KCNN3: variants seen among roughly 807,000 people sequenced by gnomAD.
The protein encoded by KCNN3 is small conductance calcium-activated potassium channel protein 3.
A neutral mutation model predicts 62.9 loss-of-function variants in KCNN3; 16 were observed. The observed-to-expected ratio is 0.25, with a 90% CI of 0.17 to 0.39. The LOEUF (loss-of-function observed/expected upper bound fraction) is 0.39. Ranked by LOEUF, KCNN3 falls within the 10% of genes least tolerant of loss-of-function variation. The pLI is 1.00. For missense variants in KCNN3, 599 were observed against 949.4 expected, an observed-to-expected ratio of 0.63 and a Z score of 4.85; for synonymous variants, 370 against 389.2, an observed-to-expected ratio of 0.95 and a Z score of 0.58.
chr1:154,714,281 G>GT (rs1700162522), intron 6 of KCNN3, among the ~76,000 whole-genome samples: 1 of 126,210 alleles, frequency 7.9e-6, no homozygotes, highest in Non-Finnish European at 1.7e-5. Context: ...TGGTGTGTGT[G>GT]GTGTGTGGTG....
chr1:154,756,048 G>GGAGGAA lies in KCNN3; in HGVS notation c.1448+15921_1448+15926dup, dbSNP rs1196913761. 1.2e-3 allele frequency among the ~76,000 whole-genome samples: 154 copies of GGAGGAA among 131,464 alleles called. 9 individuals carry two copies. Among genetic ancestry groups the GGAGGAA allele is most frequent in the African/African-American group, 4.5e-3 (144 of 31,690 alleles). The allele number at this position is 131,464 out of a possible 152,430, so 86.2% of individuals were successfully genotyped here. A position where few individuals can be genotyped will look rare whatever the true frequency, so the allele number is the denominator to read the frequency against. ...AAGACGATGATGAAAAGGAGGAGGAGGAGGAAGAGGAAGAGGAAGAAGAAG... is the reference window on the plus strand; with the variant it reads ...AAGACGATGATGAAAAGGAGGAGGAGGAGGAAGAGGAAGAGGAAGAGGAAGAAGAAG... On this transcript the variant is annotated intron_variant, in intron 3 of 7. Coordinates refer to ENST00000271915, the MANE Select transcript of KCNN3 (RefSeq NM_002249.6).
At chr1:154,822,965 AGGGCTACCTGACCTT>A (rs1269035187) in intron 1 of KCNN3, among the ~76,000 whole-genome samples, 1 of 152,194 alleles carries the variant, frequency 6.6e-6, no homozygotes. Flanking sequence ...ACAGCCATTT[AGGGCTACCTGACCTT>A]GGAACGCCCA....
At chr1:154,790,991 G>A (rs1274758875) in intron 2 of KCNN3, among the ~76,000 whole-genome samples, 1 of 152,120 alleles carries the variant, frequency 6.6e-6, no homozygotes, top group Non-Finnish European at 1.5e-5. Context: ...CACTTTGGGA[G>A]GCCGAGGTGA....
rs1368206139 is a variant in KCNN3, at chr1:154,706,256, AG to A, written c.*1719del. 6.6e-6 allele frequency: 1 copy of A among 152,244 alleles called. No homozygotes were observed. The highest frequency in any genetic ancestry group is 1.9e-4 in the East Asian group (1 of 5,202). 9.4% of individuals were successfully genotyped at this position (152,244 alleles called of 1,614,324 possible). ...CTTAGAAGAACAGGCCCAGTGCTAC[AG>A]AATAAAAATCTCCATGCCAAGCCAC... On this transcript the variant is annotated 3_prime_UTR_variant, in exon 8 of 8. Transcript: ENST00000271915.
chr1:154,849,487 CACACCACAGCCCCATTACTGTGTAG>C (rs1025625166), intron 1 of KCNN3, among the ~76,000 whole-genome samples: 16 of 152,240 alleles, frequency 1.1e-4, no homozygotes, highest in Non-Finnish European at 7.3e-5. Context: ...CCACTCAGTC[CACACCACAGCCCCATTACTGTGTAG>C]ACACCACTGC....
chr1:154,820,609 C>T (rs1023370515), intron 2 of KCNN3, among the ~76,000 whole-genome samples: 1 of 152,180 alleles, frequency 6.6e-6, no homozygotes, highest in African/African-American at 2.4e-5. Context: ...GTCTCGATTC[C>T]GTGGCCCTAG....
intron 1 of KCNN3, among the ~76,000 whole-genome samples, chr1:154,861,961 A>ACGGGCCTT (rs1652788331): frequency 6.6e-6 from 1 of 152,186 alleles, no homozygotes; most frequent in Non-Finnish European, 1.5e-5. Flanking sequence ...CAAAGCAGAG[A>ACGGGCCTT]CGGGCCTTTT....
intron 2 of KCNN3, among the ~76,000 whole-genome samples, chr1:154,807,313 G>A (rs1210178041): frequency 6.6e-6 from 1 of 152,198 alleles, no homozygotes; most frequent in Non-Finnish European, 1.5e-5. Context: ...TAACCCAACA[G>A]CAGCTGGGGC....
intron 2 of KCNN3, among the ~76,000 whole-genome samples, chr1:154,775,572 A>T (rs1876303): frequency 1.8e-5 from 2 of 111,736 alleles, no homozygotes; most frequent in South Asian, 7.1e-4. Context: ...CCAGCCCCCC[A>T]CCCACCCACC....
intron 1 of KCNN3, among the ~76,000 whole-genome samples, chr1:154,840,839 C>T (rs1006324630): frequency 1.3e-5 from 2 of 152,194 alleles, no homozygotes; most frequent in Non-Finnish European, 2.9e-5. Flanking sequence ...AAGAAGCAGC[C>T]CCTCCCACGC....
At chr1:154,749,614 T>A (rs1647264836) in intron 3 of KCNN3, among the ~76,000 whole-genome samples, 1 of 151,780 alleles carries the variant, frequency 6.6e-6, no homozygotes, top group East Asian at 1.9e-4. Context: ...GCCTGGGACG[T>A]CAGGGCGAGT....
At chr1:154,777,226 C>T (rs542883801) in intron 2 of KCNN3, among the ~76,000 whole-genome samples, 2 of 151,954 alleles carry the variant, frequency 1.3e-5, no homozygotes, top group South Asian at 4.2e-4. Context: ...CCCTCTTGCT[C>T]GCACCTCCTG....
intron 1 of KCNN3, among the ~76,000 whole-genome samples, chr1:154,825,783 A>T (rs553751293): frequency 2.6e-5 from 4 of 151,314 alleles, no homozygotes; most frequent in Non-Finnish European, 5.9e-5. Context: ...ACACTTCTGC[A>T]CACGGCCGTA....
At chr1:154,822,427 G>T (rs1300936126) in intron 1 of KCNN3, among the ~76,000 whole-genome samples, 1 of 152,230 alleles carries the variant, frequency 6.6e-6, no homozygotes, top group Non-Finnish European at 1.5e-5. Context: ...AGTCGTATTT[G>T]CATTCCTGGG....
Position 154,862,112 on chromosome 1 carries a change from CCAG to C in KCNN3, c.933+6917_933+6919del, listed in dbSNP as rs1382522312. Among the ~76,000 whole-genome samples, 3 of 152,168 alleles carry C rather than the reference CCAG, an allele frequency of 2.0e-5. No homozygotes were observed. Among genetic ancestry groups the C allele is most frequent in the Non-Finnish European group, 4.4e-5 (3 of 68,034 alleles). The stretch of plus-strand genomic sequence containing the variant: ...CCTTCGAGGTCCCTCACTCAAATCC[CCAG>C]CAGAAGTTTGTGGTGGGGTTTGGAA... On this transcript the variant is annotated intron_variant, in intron 1 of 7. Coordinates refer to ENST00000271915, the MANE Select transcript of KCNN3 (RefSeq NM_002249.6). The surrounding 1 kb of genome is among the most constrained non-coding windows in gnomAD (Gnocchi z 4.1).
intron 6 of KCNN3, among the ~76,000 whole-genome samples, chr1:154,714,199 TGTGTCGTA>T (rs1304053951): frequency 0.015 from 1,956 of 133,826 alleles, no homozygotes; most frequent in Non-Finnish European, 0.016. Context: ...GTGTGGTGTG[TGTGTCGTA>T]TGTGGTGTGC....
intron 1 of KCNN3, among the ~76,000 whole-genome samples, chr1:154,857,801 G>A (rs1162108366): frequency 3.3e-5 from 5 of 152,158 alleles, no homozygotes; most frequent in Non-Finnish European, 7.4e-5. Flanking sequence ...GATGAGGTGT[G>A]TAAACACACA....
chr1:154,814,440 A>C (rs1650571841), intron 2 of KCNN3, among the ~76,000 whole-genome samples: 1 of 150,592 alleles, frequency 6.6e-6, no homozygotes, highest in African/African-American at 2.5e-5. Context: ...CCAACATAAG[A>C]CACGCAGGGA....
intron 3 of KCNN3, among the ~76,000 whole-genome samples, chr1:154,749,612 C>T (rs12075663): frequency 6.5e-4 from 99 of 152,208 alleles, no homozygotes; most frequent in African/African-American, 2.1e-3. Context: ...GAGCCTGGGA[C>T]GTCAGGGCGA....
Sources: gnomAD v4.1 joint callset for allele counts (sites outside exome capture counted in the v4.1 genomes callset) on GRCh38, gnomAD v4.1.1 for gene constraint, Gnocchi (gnomAD v3.1) non-coding constraint, MANE v1.5 for transcripts, NCBI Gene and HGNC (gene_info 2026-07-23, HGNC 2026-07-21) for gene names.